Variants in LHFPL3 observed in about 807,000 individuals in gnomAD.
LHFPL3 encodes the protein LHFPL tetraspan subfamily member 3 protein.
A neutral mutation model predicts 19.3 loss-of-function variants in LHFPL3; 5 were observed. That is an observed-to-expected ratio of 0.26 (90% CI 0.14 to 0.54). The LOEUF is 0.54. LHFPL3 is among the 20% of genes least tolerant of loss of function. LHFPL3 has a pLI of 0.94. For missense variants in LHFPL3, 249 were observed against 307.4 expected (o/e 0.81, Z 1.42); for synonymous variants, 133 against 126.2 (o/e 1.05, Z -0.36).
chr7:104,668,965 A>G, intron 1 of LHFPL3: 1 of 1,612,408 alleles, frequency 6.2e-7, no homozygotes, highest in Non-Finnish European at 8.5e-7. Flanking sequence ...AAGCTGGCAA[A>G]GTGAAGAAAC....
intron 1 of LHFPL3, among the ~76,000 whole-genome samples, chr7:104,366,240 A>G (rs1445791209): frequency 6.6e-6 from 1 of 152,216 alleles, no homozygotes; most frequent in Non-Finnish European, 1.5e-5. Context: ...CCCTAAAGAT[A>G]CTAAGACCTG....
At chr7:104,492,246 C>T (rs1793368927) in intron 1 of LHFPL3, among the ~76,000 whole-genome samples, 2 of 149,794 alleles carry the variant, frequency 1.3e-5, no homozygotes, top group Admixed American at 6.8e-5. Flanking sequence ...ATGATTTTTC[C>T]CCTTATTAAT....
intron 1 of LHFPL3, among the ~76,000 whole-genome samples, chr7:104,726,287 A>C (rs1793590564): frequency 6.6e-6 from 1 of 151,754 alleles, no homozygotes; most frequent in South Asian, 2.1e-4. Context: ...CCTACTATGT[A>C]GTTGCACTAT....
chr7:104,501,353 C>A (rs926048022), intron 1 of LHFPL3, among the ~76,000 whole-genome samples: 15 of 152,228 alleles, frequency 9.9e-5, no homozygotes, highest in African/African-American at 3.6e-4. Context: ...AACCAGTCAA[C>A]TGAACAGCTG....
chr7:104,409,548 C>T (rs1791494246), intron 1 of LHFPL3, among the ~76,000 whole-genome samples: 1 of 151,962 alleles, frequency 6.6e-6, no homozygotes, highest in South Asian at 2.1e-4. Flanking sequence ...CAAGGGAGGT[C>T]AAGGCTGCGG....
rs1024680569 is a variant in LHFPL3 at position 104,593,307 on chromosome 7, A to T, written c.446-143368A>T. 3.3e-5 allele frequency among the ~76,000 whole-genome samples: 5 copies of T among 152,152 alleles called. 1 individual carries two copies. The highest frequency in any genetic ancestry group is 7.3e-5 in the Non-Finnish European group (5 of 68,028). ...TCATTTCGTTTTGTACCCAGTAGTC[A>T]TTCAGGAGCAGGTTGTTCAGTTTCG... On this transcript the variant is annotated intron_variant, in intron 1 of 2. Transcript: ENST00000424859.
chr7:104,845,374 A>G (rs1484592222), intron 2 of LHFPL3: 14 of 1,490,284 alleles, frequency 9.4e-6, no homozygotes, highest in Non-Finnish European at 1.3e-5. Flanking sequence ...TTCCTCCCAC[A>G]CTCTCAGATG....
chr7:104,333,274 C>A (rs1801604806), intron 1 of LHFPL3, among the ~76,000 whole-genome samples: 1 of 152,236 alleles, frequency 6.6e-6, no homozygotes, highest in Admixed American at 6.5e-5. Context: ...GTTTTCTTTT[C>A]TTTTTATAAG....
At chr7:104,644,248 C>A (rs1193958069) in intron 1 of LHFPL3, among the ~76,000 whole-genome samples, 2 of 152,150 alleles carry the variant, frequency 1.3e-5, no homozygotes, top group Admixed American at 6.5e-5. Flanking sequence ...AGTGATCGAT[C>A]CCATGGCTAT....
intron 2 of LHFPL3, among the ~76,000 whole-genome samples, chr7:104,844,609 C>T (rs1791278664): frequency 6.6e-6 from 1 of 152,122 alleles, no homozygotes; most frequent in Non-Finnish European, 1.5e-5. Context: ...TCTTTTTCCT[C>T]TCCTTTGGGT....
chr7:104,765,207 C>G (rs1794435643), intron 2 of LHFPL3, among the ~76,000 whole-genome samples: 1 of 152,174 alleles, frequency 6.6e-6, no homozygotes. Flanking sequence ...AGACTCCTGT[C>G]TAGCTACAAG....
chr7:104,386,563 A>G (rs1011377850), intron 1 of LHFPL3, among the ~76,000 whole-genome samples: 2 of 152,188 alleles, frequency 1.3e-5, no homozygotes, highest in African/African-American at 2.4e-5. Flanking sequence ...TGCCCAGGAG[A>G]CACCAGAAAA....
chr7:104,859,184 T>C (rs1002654739), intron 2 of LHFPL3, among the ~76,000 whole-genome samples: 2 of 151,766 alleles, frequency 1.3e-5, no homozygotes, highest in African/African-American at 4.8e-5. Flanking sequence ...GGAGAATCAC[T>C]TGAACCCAGG....
intron 1 of LHFPL3, among the ~76,000 whole-genome samples, chr7:104,478,648 T>A (rs1430480673): frequency 1.3e-5 from 2 of 152,200 alleles, no homozygotes; most frequent in Non-Finnish European, 2.9e-5. Flanking sequence ...TGATACAGTG[T>A]GTTCCATGCA....
At chr7:104,679,424 C>A (rs1203857166) in intron 1 of LHFPL3, among the ~76,000 whole-genome samples, 1 of 152,206 alleles carries the variant, frequency 6.6e-6, no homozygotes, top group Admixed American at 6.5e-5. Context: ...GTCACCAAGT[C>A]CAGCTCATAT....
intron 1 of LHFPL3, among the ~76,000 whole-genome samples, chr7:104,593,056 T>C (rs1444893103): frequency 6.6e-6 from 1 of 152,226 alleles, no homozygotes; most frequent in Non-Finnish European, 1.5e-5. Flanking sequence ...TGCTCTGATC[T>C]TAGTTATTTC....
At chr7:104,868,304 T>C (rs1300093118) in intron 2 of LHFPL3, among the ~76,000 whole-genome samples, 18 of 152,194 alleles carry the variant, frequency 1.2e-4, no homozygotes, top group Admixed American at 7.2e-4. Context: ...TGTTTGCAGA[T>C]GACATGATTG....
intron 2 of LHFPL3, among the ~76,000 whole-genome samples, chr7:104,892,910 T>C (rs1792280899): frequency 6.6e-6 from 1 of 152,098 alleles, no homozygotes; most frequent in Non-Finnish European, 1.5e-5. Flanking sequence ...TATAGAGCTA[T>C]ACAATCATTT....
intron 1 of LHFPL3, among the ~76,000 whole-genome samples, chr7:104,710,001 G>T (rs937591005): frequency 5.3e-5 from 8 of 152,222 alleles, no homozygotes; most frequent in Admixed American, 1.3e-4. Context: ...TAGCAAGCCG[G>T]GATCATGCCA....
Sources: allele counts gnomAD v4.1 joint callset (sites outside exome capture counted in the v4.1 genomes callset), GRCh38; gene constraint gnomAD v4.1.1; transcripts MANE v1.5; gene names NCBI Gene and HGNC (gene_info 2026-07-23, HGNC 2026-07-21).